SMPD3: variants seen among roughly 807,000 people sequenced by gnomAD.
SMPD3 encodes the protein sphingomyelin phosphodiesterase 3, also known as nSMase-2.
A neutral mutation model predicts 55.7 loss-of-function variants in SMPD3; 21 were observed. The observed-to-expected ratio is 0.38, with a 90% CI of 0.27 to 0.54. The LOEUF is 0.54. SMPD3 is among the 20% of genes least tolerant of loss of function. The pLI, the probability that SMPD3 is intolerant of heterozygous loss-of-function variation, is 0.80. For missense variants in SMPD3, 842 were observed against 899.6 expected (o/e 0.94, Z 0.82); for synonymous variants, 457 against 404.3 (o/e 1.13, Z -1.56).
intron 1 of SMPD3, among the ~76,000 whole-genome samples, chr16:68,396,681 G>A (rs1350717827): frequency 3.3e-5 from 5 of 152,296 alleles, no homozygotes; most frequent in South Asian, 2.1e-4. Context: ...CTAGCCAGGC[G>A]GGCATGTCCA....
chr16:68,415,471 G>T (rs533986735), intron 1 of SMPD3, among the ~76,000 whole-genome samples: 2 of 152,174 alleles, frequency 1.3e-5, no homozygotes, highest in African/African-American at 2.4e-5. Context: ...CAGATGGTTT[G>T]TTTTCCTGGA....
At chr16:68,407,287 C>T (rs2090262214) in intron 1 of SMPD3, among the ~76,000 whole-genome samples, 1 of 152,160 alleles carries the variant, frequency 6.6e-6, no homozygotes, top group Non-Finnish European at 1.5e-5. Context: ...ATGTCTGAGA[C>T]AGCATCATGG....
At chr16:68,409,703 C>G (rs978417316) in intron 1 of SMPD3, among the ~76,000 whole-genome samples, 4 of 152,168 alleles carry the variant, frequency 2.6e-5, no homozygotes, top group African/African-American at 4.8e-5. Context: ...ACGCCATTCT[C>G]CTGCCTCAGC....
At chr16:68,402,745 A>C (rs1468138860) in intron 1 of SMPD3, among the ~76,000 whole-genome samples, 1 of 152,248 alleles carries the variant, frequency 6.6e-6, no homozygotes, top group Non-Finnish European at 1.5e-5. Flanking sequence ...CTACAGAATC[A>C]AGGTTCAAGG....
intron 2 of SMPD3, among the ~76,000 whole-genome samples, chr16:68,376,044 T>C (rs4783624): frequency 0.53 from 80,074 of 152,150 alleles, 21,636 homozygotes; most frequent in East Asian, 0.81. Context: ...TTGCCACCCA[T>C]GGAGAAACCA....
intron 1 of SMPD3, among the ~76,000 whole-genome samples, chr16:68,407,826 C>G (rs1417002330): frequency 6.6e-6 from 1 of 151,998 alleles, no homozygotes; most frequent in African/African-American, 2.4e-5. Context: ...TATTGTAATA[C>G]GTGTTTGCCT....
intron 1 of SMPD3, among the ~76,000 whole-genome samples, chr16:68,430,837 T>C (rs1356854502): frequency 6.6e-6 from 1 of 152,202 alleles, no homozygotes. Flanking sequence ...TAGATCCATC[T>C]CCATGTGGCC....
rs542442978 is a variant in SMPD3 at position 68,372,029 on chromosome 16, G to T, written c.153C>A (p.Asp51Glu). ...TTYEKRQRAD[D>E]PCCLQLLCTA... ...TGCAGAGCAGCTGCAGGCAGCACGG[G>T]TCGTCTGCCCGCTGGCGCTTCTCGT... The change falls in exon 3 of 9, where the codon GAC (aspartate) becomes GAA (glutamate). Residue 51 changes from aspartate (D) to glutamate (E), a missense_variant. Asp to Glu is a conservative substitution (Grantham distance 45, BLOSUM62 2). Transcript: ENST00000219334. 51 of 1,610,838 alleles carry T rather than the reference G, an allele frequency of 3.2e-5. No homozygotes were observed. Among genetic ancestry groups the T allele is most frequent in the Non-Finnish European group, 4.2e-5 (49 of 1,179,006 alleles).
chr16:68,448,322 A>G (rs974917312), intron 1 of SMPD3, 31 bp downstream of exon 1: 1 of 152,348 alleles, frequency 6.6e-6, no homozygotes, highest in Non-Finnish European at 1.5e-5. Context: ...CCGCTCCCCA[A>G]GAAAACAAAA....
intron 2 of SMPD3, among the ~76,000 whole-genome samples, chr16:68,377,419 G>A (rs2089843216): frequency 1.3e-5 from 2 of 152,236 alleles, no homozygotes; most frequent in African/African-American, 2.4e-5. Context: ...GGCAGCCCCA[G>A]ACTGCGGCTG....
rs755175875 is a variant in SMPD3 at position 68,361,685 on chromosome 16, C to T, written c.1784G>A (p.Arg595Gln). 34 of 1,612,714 alleles carry T rather than the reference C, an allele frequency of 2.1e-5. No homozygotes were observed. Among genetic ancestry groups the T allele is most frequent in the Admixed American group, 1.7e-4 (10 of 60,008 alleles). Residue 595 changes from arginine to glutamine, a missense_variant, in exon 8 of 9, where the codon CGG becomes CAG. Arg to Gln is a conservative substitution (Grantham distance 43). Around this residue, in one of 2 missense-constraint regions of SMPD3, gnomAD observed 649 missense variants for 643.6 expected, o/e 1.01. Transcript: ENST00000219334. ...GCCGTTGCCCTTCAGCAGCTCCTTC[C>T]GCCCCTTCTGGCCCGAGCTCTTGCT... ...PTSKSSGQKG[R>Q]KELLKGNGRR...
intron 1 of SMPD3, among the ~76,000 whole-genome samples, chr16:68,431,358 G>A (rs1275553467): frequency 6.6e-6 from 1 of 152,186 alleles, no homozygotes. Flanking sequence ...AAAGTAAAGA[G>A]TCTAGGGACT....
intron 2 of SMPD3, among the ~76,000 whole-genome samples, chr16:68,380,400 C>T (rs2089921849): frequency 6.6e-6 from 1 of 152,284 alleles, no homozygotes; most frequent in Non-Finnish European, 1.5e-5. Context: ...CGAACTGGAG[C>T]AATCACAGGC....
intron 1 of SMPD3, among the ~76,000 whole-genome samples, chr16:68,432,957 GC>G (rs1341259561): frequency 1.3e-5 from 2 of 152,096 alleles, no homozygotes; most frequent in Non-Finnish European, 2.9e-5. Context: ...GTGTGTGCCA[GC>G]ATGCCCAGCT....
intron 1 of SMPD3, among the ~76,000 whole-genome samples, chr16:68,433,661 G>A (rs2090497852): frequency 2.6e-5 from 4 of 152,246 alleles, no homozygotes; most frequent in Admixed American, 2.6e-4. Context: ...GGAGAATGCA[G>A]TGCCCTGGGG....
intron 1 of SMPD3, among the ~76,000 whole-genome samples, chr16:68,409,438 G>T (rs1212010582): frequency 6.6e-6 from 1 of 152,118 alleles, no homozygotes; most frequent in Non-Finnish European, 1.5e-5. Context: ...TTGGGATTTG[G>T]GTAAGTCAGG....
intron 1 of SMPD3, among the ~76,000 whole-genome samples, chr16:68,420,215 T>C (rs1043778059): frequency 6.6e-6 from 1 of 152,146 alleles, no homozygotes; most frequent in Non-Finnish European, 1.5e-5. Context: ...AGTGCTGGGA[T>C]TATACGTGTG....
intron 1 of SMPD3, among the ~76,000 whole-genome samples, chr16:68,419,856 G>A (rs1282297635): frequency 6.6e-6 from 1 of 152,166 alleles, no homozygotes; most frequent in Non-Finnish European, 1.5e-5. Flanking sequence ...GACTGCCTGA[G>A]TTCCAGCTCC....
chr16:68,384,371 C>T (rs2090011697), intron 2 of SMPD3, among the ~76,000 whole-genome samples: 1 of 152,240 alleles, frequency 6.6e-6, no homozygotes, highest in Non-Finnish European at 1.5e-5. Context: ...AGGCTGAGGC[C>T]AAACAGGCCC....
Sources: allele counts gnomAD v4.1 joint callset (sites outside exome capture counted in the v4.1 genomes callset), GRCh38; gene constraint gnomAD v4.1.1; regional missense constraint gnomAD v4.1.1; transcripts MANE v1.5; gene names NCBI Gene and HGNC (gene_info 2026-07-23, HGNC 2026-07-21).